Variants in ZSCAN30 observed in about 807,000 individuals in gnomAD.
The protein encoded by ZSCAN30 is zinc finger and SCAN domain containing 30, also known as zinc finger and SCAN domain-containing protein 30.
Under a neutral mutation model 44.3 loss-of-function variants are expected in ZSCAN30, and 37 were observed. The ratio of observed to expected loss-of-function variants is 0.84; its 90% CI spans 0.64 to 1.10. The LOEUF is 1.10. ZSCAN30 is among the 50% of genes least tolerant of loss of function. The pLI is 0.00. For missense variants in ZSCAN30, 549 were observed against 582.6 expected, an observed-to-expected ratio of 0.94 and a Z score of 0.59; for synonymous variants, 181 against 204.6, an observed-to-expected ratio of 0.88 and a Z score of 0.98.
At chr18:35,270,605 G>A (rs761808611) in intron 1 of ZSCAN30, among the ~76,000 whole-genome samples, 3 of 152,064 alleles carry the variant, frequency 2.0e-5, no homozygotes, top group East Asian at 1.9e-4. Flanking sequence ...TTTTGAGACA[G>A]GGTCTCACTC....
chr18:35,253,801 G>A lies in ZSCAN30; in HGVS notation c.1134C>T (p.Ile378=), dbSNP rs755066019. The A allele has an allele frequency of 1.2e-6, 2 of 1,614,058 alleles. 1 individual carries two copies. The highest frequency in any genetic ancestry group is 2.2e-5 in the South Asian group (2 of 91,084). The change falls in exon 4 of 4, where the codon ATC becomes ATT. Residue 378 remains isoleucine, a synonymous_variant. Transcript: ENST00000333206. ...ATTCATAAGGCTTCTCTCCAGTGTG[G>A]ATTCTCCGATGCCTGATGAGCTCTG... The part of the protein sequence containing the change: ...GSSELIRHRR[I]HTGEKPYECG...
intron 3 of ZSCAN30, chr18:35,256,933 C>G (rs2043845457): frequency 6.5e-6 from 1 of 152,830 alleles, no homozygotes; most frequent in Non-Finnish European, 1.5e-5. Flanking sequence ...ATCATTGCAT[C>G]CAGTTAATTA....
intron 3 of ZSCAN30, chr18:35,262,121 T>C (rs576065791): frequency 6.6e-6 from 1 of 152,280 alleles, no homozygotes; most frequent in South Asian, 2.1e-4. Context: ...TGGGGTAGAC[T>C]CTTAATAACT....
At position 35,253,698 on chromosome 18, in the gene ZSCAN30, A is replaced by G; in HGVS notation, c.1237T>C (p.Tyr413His). The change falls in exon 4 of 4, where the codon TAT (tyrosine) becomes CAT (histidine). Residue 413 changes from tyrosine (Y) to histidine (H), a missense_variant. By Grantham distance (83) the Tyr-to-His change is moderately conservative. Coordinates refer to ENST00000333206, the MANE Select transcript of ZSCAN30 (RefSeq NM_001112734.4). ...GCCTTACCACATGCAATACATTCATAGCTTTTATCTCCAGTGTGAATTTTC... is the reference window on the plus strand; with the variant it reads ...GCCTTACCACATGCAATACATTCATGGCTTTTATCTCCAGTGTGAATTTTC... ...HKKIHTGDKS[Y>H]ECIACGKAFG... 2 of 1,614,178 alleles carry G rather than the reference A, an allele frequency of 1.2e-6. No individual in the cohort carries two copies. Among genetic ancestry groups the G allele is most frequent in the Admixed American group, 1.7e-5 (1 of 60,018 alleles).
chr18:35,276,686 A>C (rs2044372565), intron 1 of ZSCAN30, among the ~76,000 whole-genome samples: 1 of 152,246 alleles, frequency 6.6e-6, no homozygotes, highest in African/African-American at 2.4e-5. Context: ...GATATATGAA[A>C]TGCCTGGCTG....
intron 3 of ZSCAN30, chr18:35,262,257 T>C (rs564455031): frequency 6.6e-6 from 1 of 152,296 alleles, no homozygotes; most frequent in South Asian, 2.1e-4. Flanking sequence ...TTAATAAGAT[T>C]GCTTGGTGAA....
Position 35,254,261 on chromosome 18 carries a change from G to A in ZSCAN30, c.674C>T (p.Ala225Val), listed in dbSNP as rs201837658. ...LPGETHSQRI[A>V]EEALGGLDNS... ...GTCCAGACCTCCCAAAGCTTCTTCA[G>A]CTATCCGTTGGGAATGTGTTTCTCC... Residue 225 changes from alanine to valine, a missense_variant, in exon 4 of 4, where the codon GCT becomes GTT. By Grantham distance (64) the Ala-to-Val change is moderately conservative. Transcript: ENST00000333206. The A allele has an allele frequency of 4.8e-4, 769 of 1,614,090 alleles. 4 individuals carry two copies. The highest frequency in any genetic ancestry group is 4.6e-5 in the Non-Finnish European group (54 of 1,179,974).
At chr18:35,271,576 C>T (rs1480997799) in intron 1 of ZSCAN30, among the ~76,000 whole-genome samples, 2 of 152,248 alleles carry the variant, frequency 1.3e-5, no homozygotes, top group Non-Finnish European at 2.9e-5. Flanking sequence ...GACTCAGGAG[C>T]CCAGCTGGCT....
chr18:35,287,574 CAA>C (rs59300208), intron 1 of ZSCAN30, among the ~76,000 whole-genome samples: 13 of 94,670 alleles, frequency 1.4e-4, no homozygotes, highest in Middle Eastern at 6.9e-3. Flanking sequence ...ATCCACATAC[CAA>C]AAAAAAAAAA....
chr18:35,287,907 C>G (rs1294425952), intron 1 of ZSCAN30, among the ~76,000 whole-genome samples: 7 of 148,030 alleles, frequency 4.7e-5, no homozygotes, highest in African/African-American at 1.7e-4. Context: ...GGGTCCTGCT[C>G]TGTTGCCCAG....
intron 1 of ZSCAN30, chr18:35,281,912 A>AC (rs1439467440): frequency 6.6e-6 from 1 of 152,100 alleles, no homozygotes; most frequent in Non-Finnish European, 1.5e-5. Flanking sequence ...AAAAAAAAAA[A>AC]AAACCCTGCA....
At chr18:35,277,823 TC>T (rs2044393312) in intron 1 of ZSCAN30, among the ~76,000 whole-genome samples, 1 of 152,172 alleles carries the variant, frequency 6.6e-6, no homozygotes, top group Non-Finnish European at 1.5e-5. Flanking sequence ...TCAGAATGTA[TC>T]CCTAGCATCA....
At chr18:35,255,221 T>C (rs1197385453) in intron 3 of ZSCAN30, among the ~76,000 whole-genome samples, 1 of 151,304 alleles carries the variant, frequency 6.6e-6, no homozygotes, top group Non-Finnish European at 1.5e-5. Flanking sequence ...TCTCCTGTTA[T>C]GAGTTACTGG....
rs1017985532 is a variant in ZSCAN30 at position 35,256,734 on chromosome 18, ATC to A, written c.554-2355_554-2354del. ...TTTGGAGGAGAAATAAGGCACAGGT[ATC>A]TCTGTTAGAAGAGCTCTTCTGTTTT... On this transcript the variant is annotated intron_variant, in intron 3 of 3. Transcript: ENST00000333206. Among the ~76,000 whole-genome samples, 10 of 152,124 alleles carry A rather than the reference ATC, an allele frequency of 6.6e-5. No individual in the cohort carries two copies. The Middle Eastern group carries it at 0.01, about 155-fold the overall frequency.
intron 1 of ZSCAN30, among the ~76,000 whole-genome samples, chr18:35,278,760 TC>T (rs2044407566): frequency 6.6e-6 from 1 of 152,234 alleles, no homozygotes; most frequent in Non-Finnish European, 1.5e-5. Context: ...CTTGGAAATA[TC>T]CTCAGCTAAA....
At chr18:35,266,657 A>ATTTTTTTTTT (rs34611791) in intron 1 of ZSCAN30, 3 of 78,642 alleles carry the variant, frequency 3.8e-5, no homozygotes, top group African/African-American at 1.0e-4. Flanking sequence ...ATTTCTCCTA[A>ATTTTTTTTTT]TTTTTTTTTT....
chr18:35,283,574 C>T (rs1279303323), intron 1 of ZSCAN30: 1 of 152,416 alleles, frequency 6.6e-6, no homozygotes, highest in African/African-American at 2.4e-5. Context: ...GGGGTCTGGC[C>T]ACTGCACACA....
At chr18:35,266,617 T>C (rs2044155329) in intron 1 of ZSCAN30, 1 of 149,926 alleles carries the variant, frequency 6.7e-6, no homozygotes, top group Admixed American at 6.6e-5. Context: ...AGATTTTTCA[T>C]ACATATCTAA....
rs147409023 is a variant in ZSCAN30, at chr18:35,285,402, C to A, written c.-104+4682G>T. 3.6e-3 allele frequency among the ~76,000 whole-genome samples: 552 copies of A among 152,160 alleles called. 2 individuals carry two copies. Among genetic ancestry groups the A allele is most frequent in the African/African-American group, 0.013 (520 of 41,514 alleles). The stretch of plus-strand genomic sequence containing the variant: ...TTCAGTAATACCATTAACCAACTAA[C>A]AATAATCAAATAGTCAACCCAACAG... On this transcript the variant is annotated intron_variant, in intron 1 of 3. Coordinates refer to ENST00000333206, the MANE Select transcript of ZSCAN30 (RefSeq NM_001112734.4).
Sources: allele counts gnomAD v4.1 joint callset (sites outside exome capture counted in the v4.1 genomes callset), GRCh38; gene constraint gnomAD v4.1.1; transcripts MANE v1.5; gene names NCBI Gene and HGNC (gene_info 2026-07-23, HGNC 2026-07-21).